The following ZFP90 variants were observed in gnomAD, a reference collection of about 807,000 sequenced individuals.
ZFP90 encodes the protein zinc finger protein 90 homolog.
A neutral mutation model predicts 60.8 loss-of-function variants in ZFP90; 38 were observed. The ratio of observed to expected loss-of-function variants is 0.62; its 90% confidence interval spans 0.48 to 0.82. The LOEUF (loss-of-function observed/expected upper bound fraction) is 0.82. Among genes scored for constraint, ZFP90 ranks in the 40% least tolerant of loss-of-function variants. The pLI is 0.00. For missense variants in ZFP90, 711 were observed against 759.1 expected, an observed-to-expected ratio of 0.94 and a Z score of 0.74; for synonymous variants, 287 against 264.8, an observed-to-expected ratio of 1.08 and a Z score of -0.82.
At chr16:68,559,762 C>T (rs976732472) in intron 4 of ZFP90, among the ~76,000 whole-genome samples, 2 of 151,906 alleles carry the variant, frequency 1.3e-5, no homozygotes, top group Non-Finnish European at 2.9e-5. Context: ...GAGGAAGAAA[C>T]GAGGTTTCAC....
intron 4 of ZFP90, 107 bp downstream of exon 4, chr16:68,558,675 AG>A (rs1385446043): frequency 6.4e-6 from 6 of 938,934 alleles, no homozygotes; most frequent in Non-Finnish European, 9.9e-6. Context: ...AGATCTGCAT[AG>A]GAGGCTGAAG....
At chr16:68,557,435 A>G (rs994911364) in intron 2 of ZFP90, 2 of 359,064 alleles carry the variant, frequency 5.6e-6, no homozygotes, top group African/African-American at 4.3e-5. Context: ...CCACTATGCA[A>G]AGATCTCTAG....
downstream of ZFP90, chr16:68,576,217 T>C (rs1023820183): frequency 1.8e-5 from 3 of 164,738 alleles, no homozygotes; most frequent in African/African-American, 7.1e-5. Flanking sequence ...TCCCAGAGAA[T>C]TGTCATTATT....
chr16:68,553,735 C>G (rs992339885), intron 2 of ZFP90, among the ~76,000 whole-genome samples: 6 of 152,178 alleles, frequency 3.9e-5, no homozygotes, highest in African/African-American at 1.4e-4. Context: ...CCTCCTGCCT[C>G]AGCCCTCCAA....
chr16:68,563,442 G>A lies in ZFP90; in HGVS notation c.655G>A (p.Ala219Thr). ...KPYKCDKCRK[A>T]FIHRSSLTKH... ...CTATAAGTGTGATAAATGTAGAAAA[G>A]CCTTTATTCATAGATCATCGCTTAC... The change falls in exon 5 of 5, where the codon GCC becomes ACC. Residue 219 changes from alanine (A) to threonine (T), a missense_variant. Ala to Thr is a moderately conservative substitution (Grantham distance 58). Around this residue, in one of 5 missense-constraint regions of ZFP90, gnomAD observed 241 missense variants for 247.6 expected, o/e 0.97. Coordinates refer to ENST00000563169, the MANE Select transcript of ZFP90 (RefSeq NM_001305203.2). 4 of 1,613,740 alleles carry A rather than the reference G, an allele frequency of 2.5e-6. No homozygotes were observed. The highest frequency in any genetic ancestry group is 2.2e-5 in the South Asian group (2 of 90,966).
At chr16:68,558,269 T>C (rs1567406352) in intron 3 of ZFP90, 145 bp downstream of exon 3, 2 of 1,347,266 alleles carry the variant, frequency 1.5e-6, no homozygotes, top group East Asian at 2.3e-5. Context: ...CCCAGTTTTA[T>C]GGGGTTTTGA....
In ZFP90 at chr16:68,566,717, C is replaced by T. The variant is rs992490091; in HGVS notation, c.*2019C>T. ...ATACATAGTTTGACAATGGGTAATT[C>T]TACTCAGACCCTCCCTACTGATTGG... On this transcript the variant is annotated 3_prime_UTR_variant, in exon 5 of 5. Coordinates refer to ENST00000563169, the MANE Select transcript of ZFP90 (RefSeq NM_001305203.2). 2.0e-6 allele frequency: 2 copies of T among 985,550 alleles called. No individual in the cohort carries two copies. The highest frequency in any genetic ancestry group is 2.4e-6 in the Non-Finnish European group (2 of 829,938). The allele number at this position is 985,550 out of a possible 1,614,324, so 61.1% of individuals were successfully genotyped here. A position where few individuals can be genotyped will look rare whatever the true frequency, so the allele number is the denominator to read the frequency against.
At chr16:68,543,543 TA>T (rs1349789112) in intron 2 of ZFP90, among the ~76,000 whole-genome samples, 1 of 145,140 alleles carries the variant, frequency 6.9e-6, no homozygotes, top group East Asian at 2.1e-4. Context: ...GTAAACATTA[TA>T]CATCCTTATT....
chr16:68,558,389 A>G, intron 3 of ZFP90, 84 bp from the exon 4 acceptor site: 1 of 1,308,636 alleles, frequency 7.6e-7, no homozygotes, highest in Non-Finnish European at 1.1e-6. Context: ...CCTGAGGATC[A>G]AGGACTAGTA....
chr16:68,555,753 C>T (rs1386173199), intron 2 of ZFP90, among the ~76,000 whole-genome samples: 3 of 152,132 alleles, frequency 2.0e-5, no homozygotes, highest in African/African-American at 7.2e-5. Flanking sequence ...CAGAAGACTT[C>T]ACTGGAGATC....
downstream of ZFP90, chr16:68,576,133 G>C (rs531785306): frequency 4.1e-5 from 9 of 219,700 alleles, no homozygotes; most frequent in South Asian, 1.7e-3. Flanking sequence ...CAGCTCCTCA[G>C]TATCCCTGAA....
upstream of ZFP90, among the ~76,000 whole-genome samples, chr16:68,536,328 A>AG (rs1210601502): frequency 6.6e-6 from 1 of 152,000 alleles, no homozygotes; most frequent in South Asian, 2.1e-4. Context: ...CTTTTGAGAG[A>AG]GGGTCTTGCT....
downstream of ZFP90, among the ~76,000 whole-genome samples, chr16:68,567,611 G>C (rs2091545477): frequency 6.6e-6 from 1 of 152,158 alleles, no homozygotes; most frequent in Non-Finnish European, 1.5e-5. Flanking sequence ...ATGGGAAGTA[G>C]GAGAGGACAA....
intron 1 of ZFP90, 138 bp downstream of exon 1, chr16:68,539,617 G>T (rs1031796998): frequency 3.2e-6 from 2 of 630,798 alleles, no homozygotes; most frequent in South Asian, 4.7e-5. Flanking sequence ...CGGGGATGGG[G>T]AGCGGCAGGC....
At chr16:68,544,864 CTTTTTTTTTTTTTTTTTTTTTT>C (rs71148911) in intron 2 of ZFP90, among the ~76,000 whole-genome samples, 3 of 66,568 alleles carry the variant, frequency 4.5e-5, no homozygotes, top group South Asian at 7.2e-4. Flanking sequence ...CTGTGAACAC[CTTTTTTTTTTTTTTTTTTTTTT>C]TTTTTTTTTT....
rs1244341042 is a variant in ZFP90, at chr16:68,551,903, C to T, written c.34-6095C>T. Among the ~76,000 whole-genome samples the T allele has an allele frequency of 2.6e-5, 4 of 151,998 alleles. No individual in the cohort carries two copies. The South Asian group carries it at 6.2e-4, about 24-fold the overall frequency. The stretch of plus-strand genomic sequence containing the variant: ...CCTCCTCAGTATCTGGGACTACAGG[C>T]GCTCGCCACCGTGCCCGGTTAATTT... On this transcript the variant is annotated intron_variant, in intron 2 of 4. Transcript: ENST00000563169.
chr16:68,550,186 T>C (rs1331545038), intron 2 of ZFP90, among the ~76,000 whole-genome samples: 2 of 152,216 alleles, frequency 1.3e-5, no homozygotes, highest in African/African-American at 4.8e-5. Flanking sequence ...ATGTGATAAA[T>C]GTTTTAAAAT....
upstream of ZFP90, among the ~76,000 whole-genome samples, chr16:68,537,116 TTTG>T (rs892744082): frequency 1.1e-3 from 125 of 116,868 alleles, no homozygotes; most frequent in African/African-American, 4.1e-3. Flanking sequence ...CTGCAGTTGT[TTTG>T]TTGTTGTTGG....
rs2091528613 is a variant in ZFP90, at chr16:68,566,433, TAGC to T, written c.*1738_*1740del. ...CCTACTGGATTCTTTGCATGCCACA[TAGC>T]AGGATTCATTGCCTTTCTCTCATCA... On this transcript the variant is annotated 3_prime_UTR_variant, in exon 5 of 5. Coordinates refer to ENST00000563169, the MANE Select transcript of ZFP90 (RefSeq NM_001305203.2). The T allele has an allele frequency of 1.0e-6, 1 of 985,444 alleles. No homozygotes were observed. Among genetic ancestry groups the T allele is most frequent in the Admixed American group, 6.1e-5 (1 of 16,268 alleles). The allele number at this position is 985,444 out of a possible 1,614,324, so 61.0% of individuals were successfully genotyped here.
Sources: allele counts gnomAD v4.1 joint callset (sites outside exome capture counted in the v4.1 genomes callset), GRCh38; gene constraint gnomAD v4.1.1; regional missense constraint gnomAD v4.1.1; transcripts MANE v1.5; gene names NCBI Gene and HGNC (gene_info 2026-07-23, HGNC 2026-07-21).